The following PCDHGA7 variants were observed in gnomAD, a reference collection of about 807,000 sequenced individuals.
The protein encoded by PCDHGA7 is protocadherin gamma-A7.
In PCDHGA7, 44 loss-of-function variants were observed where a neutral mutation model predicts 58.3. That is an observed-to-expected ratio of 0.75 (90% CI 0.59 to 0.97). The LOEUF (loss-of-function observed/expected upper bound fraction) is 0.97, where lower values mean the gene tolerates loss of function less well. Among genes scored for constraint, PCDHGA7 ranks in the 50% least tolerant of loss-of-function variants. PCDHGA7 has a pLI of 0.00. For synonymous variants in PCDHGA7, 516 were observed against 504.2 expected (o/e 1.02, Z -0.31); for missense variants, 1,266 against 1,188.7 (o/e 1.06, Z -0.96).
chr5:141,395,556 G>A (rs1041230837), intron 1 of PCDHGA7: 1 of 97,434 alleles, frequency 1.0e-5, no homozygotes, highest in East Asian at 1.8e-4. Context: ...GTGTGTGTGT[G>A]TGTGTGTGTG....
At chr5:141,400,654 C>A in intron 1 of PCDHGA7, 1 of 1,142,176 alleles carries the variant, frequency 8.8e-7, no homozygotes, top group Non-Finnish European at 1.3e-6. Context: ...AGCTGTCCTA[C>A]CATTCTTTAA....
intron 1 of PCDHGA7, chr5:141,385,603 T>C: frequency 1.7e-6 from 2 of 1,190,158 alleles, no homozygotes; most frequent in South Asian, 5.3e-5. Flanking sequence ...CTTTCTTAAC[T>C]CATATATTTT....
At chr5:141,456,214 G>C (rs552287407) in intron 1 of PCDHGA7, among the ~76,000 whole-genome samples, 8 of 152,136 alleles carry the variant, frequency 5.3e-5, no homozygotes, top group Non-Finnish European at 7.4e-5. Context: ...CCTCCCTGTG[G>C]CGATATCAAA....
At position 141,447,140 on chromosome 5, in the gene PCDHGA7, T is replaced by C. The variant is rs770212881; in HGVS notation, c.2425-47667T>C. ...ATGGATTTTTTTGTTTGTTTGTTTT[T>C]TGTTTTTGTTTTTGTTTAAGCGGGG... On this transcript the variant is annotated intron_variant, in intron 1 of 3. Coordinates refer to ENST00000518325, the MANE Select transcript of PCDHGA7 (RefSeq NM_018920.4). Among the ~76,000 whole-genome samples the C allele has an allele frequency of 6.6e-5, 10 of 152,158 alleles. 1 individual carries two copies. Among genetic ancestry groups the C allele is most frequent in the Non-Finnish European group, 1.2e-4 (8 of 68,042 alleles).
rs766460257 is a variant in PCDHGA7, at chr5:141,398,407, G to A, written c.2424+13084G>A. 4.0e-5 allele frequency: 59 copies of A among 1,474,004 alleles called. No homozygotes were observed. The Middle Eastern group carries it at 1.0e-3, about 26-fold the overall frequency. 91.3% of individuals were successfully genotyped at this position (1,474,004 alleles called of 1,614,324 possible). A position where few individuals can be genotyped will look rare whatever the true frequency, so the allele number is the denominator to read the frequency against. On this transcript the variant is annotated intron_variant, in intron 1 of 3. Transcript: ENST00000518325. ...TGTGAGCAGCAGGCTAGACAGGGAG[G>A]AGATATGCGGGAAGAAGCCAGCTTG...
chr5:141,409,443 A>C (rs1276603306), intron 1 of PCDHGA7: 1 of 1,614,014 alleles, frequency 6.2e-7, no homozygotes, highest in East Asian at 2.2e-5. Context: ...GACCGAGAGC[A>C]GACACCAGAA....
At chr5:141,444,578 C>G (rs1030770037) in intron 1 of PCDHGA7, among the ~76,000 whole-genome samples, 1 of 152,134 alleles carries the variant, frequency 6.6e-6, no homozygotes, top group Non-Finnish European at 1.5e-5. Context: ...TTGACTCTTC[C>G]TTTCTACTTA....
intron 1 of PCDHGA7, among the ~76,000 whole-genome samples, chr5:141,492,108 C>T (rs1331001233): frequency 2.6e-5 from 4 of 152,232 alleles, no homozygotes; most frequent in African/African-American, 9.6e-5. Flanking sequence ...TAGATTTCCT[C>T]TTCGATTTCT....
chr5:141,475,721 G>A (rs867365261), intron 1 of PCDHGA7, among the ~76,000 whole-genome samples: 1 of 152,248 alleles, frequency 6.6e-6, no homozygotes. Context: ...ACAGCCCCAA[G>A]GCTGGCTTTC....
rs1192987646 is a variant in PCDHGA7, at chr5:141,423,758, G to A, written c.2424+38435G>A. Reference sequence around the variant, plus strand: ...CTGTTATGAAAACTGTTTGGGGGGGGGGTGGGGCGGCATATATTTAGTTCA... The same window carrying A: ...CTGTTATGAAAACTGTTTGGGGGGGAGGTGGGGCGGCATATATTTAGTTCA... On this transcript the variant is annotated intron_variant, in intron 1 of 3. Coordinates refer to ENST00000518325, the MANE Select transcript of PCDHGA7 (RefSeq NM_018920.4). 8.2e-5 allele frequency: 30 copies of A among 366,770 alleles called. 3 individuals are homozygous for A. Among genetic ancestry groups the A allele is most frequent in the Non-Finnish European group, 1.1e-4 (29 of 259,742 alleles). The allele number at this position is 366,770 out of a possible 1,614,324, so 22.7% of individuals were successfully genotyped here.
chr5:141,396,179 C>G (rs948602586), intron 1 of PCDHGA7: 1 of 152,178 alleles, frequency 6.6e-6, no homozygotes, highest in African/African-American at 2.4e-5. Context: ...CTTGGCTGGA[C>G]ACAGTGCCTC....
chr5:141,409,034 A>C, intron 1 of PCDHGA7: 1 of 1,613,992 alleles, frequency 6.2e-7, no homozygotes, highest in Non-Finnish European at 8.5e-7. Context: ...TGCTGAGATA[A>C]ACTACTACTT....
chr5:141,449,630 T>G (rs1006977026), intron 1 of PCDHGA7, among the ~76,000 whole-genome samples: 2 of 150,024 alleles, frequency 1.3e-5, no homozygotes, highest in Non-Finnish European at 3.0e-5. Flanking sequence ...TTTAAAAAGA[T>G]GTATCTATAT....
chr5:141,399,355 C>A (rs1437917208), intron 1 of PCDHGA7: 1 of 1,614,006 alleles, frequency 6.2e-7, no homozygotes, highest in South Asian at 1.1e-5. Flanking sequence ...AGACCGAGAG[C>A]AAACCCCGGA....
intron 1 of PCDHGA7, among the ~76,000 whole-genome samples, chr5:141,451,032 A>G: frequency 6.6e-6 from 1 of 150,486 alleles, no homozygotes; most frequent in Non-Finnish European, 1.5e-5. Context: ...GTTTCACCAT[A>G]TTGGCCAGGC....
In PCDHGA7 at chr5:141,419,703, G is replaced by C. The variant is rs2096418539; in HGVS notation, c.2424+34380G>C. 1 of 1,612,946 alleles carries C rather than the reference G, an allele frequency of 6.2e-7. No individual in the cohort carries two copies. The highest frequency in any genetic ancestry group is 1.3e-5 in the African/African-American group (1 of 74,946). The stretch of plus-strand genomic sequence containing the variant: ...CACGTGGTGCAGGCCAGTGAGCCCG[G>C]GCTCTTCAGCCTGGGGCTGCGAACA... On this transcript the variant is annotated intron_variant, in intron 1 of 3. Coordinates refer to ENST00000518325, the MANE Select transcript of PCDHGA7 (RefSeq NM_018920.4).
intron 1 of PCDHGA7, chr5:141,395,116 T>C (rs1255512461): frequency 1.9e-6 from 3 of 1,614,216 alleles, no homozygotes; most frequent in Admixed American, 3.3e-5. Context: ...AAGAGTCACC[T>C]GATCTTTCCC....
intron 1 of PCDHGA7, chr5:141,408,124 G>A: frequency 1.4e-6 from 2 of 1,478,862 alleles, no homozygotes; most frequent in Non-Finnish European, 1.8e-6. Context: ...CCTGTCCTGG[G>A]CCGAATGCTC....
At chr5:141,415,045 G>A (rs2095819214) in intron 1 of PCDHGA7, 23 of 1,613,538 alleles carry the variant, frequency 1.4e-5, no homozygotes, top group Non-Finnish European at 1.8e-5. Flanking sequence ...CTTCGCGGTG[G>A]GGGAGCACAC....
Sources: allele counts gnomAD v4.1 joint callset (sites outside exome capture counted in the v4.1 genomes callset), GRCh38; gene constraint gnomAD v4.1.1; transcripts MANE v1.5; gene names NCBI Gene and HGNC (gene_info 2026-07-23, HGNC 2026-07-21).